Variants in SLIT1 observed in about 807,000 individuals in gnomAD.
The protein encoded by SLIT1 is slit guidance ligand 1.
In SLIT1, 66 loss-of-function variants were observed where a neutral mutation model predicts 186.1. The ratio of observed to expected loss-of-function variants is 0.35; its 90% CI spans 0.29 to 0.44. The LOEUF (loss-of-function observed/expected upper bound fraction) is 0.44. SLIT1 is among the 20% of genes least tolerant of loss of function. The probability of loss-of-function intolerance (pLI) is 1.00; values close to 1 mark genes in which losing one functional copy is unlikely to be tolerated. For missense variants in SLIT1, 1,638 were observed against 2,037.4 expected, an observed-to-expected ratio of 0.80 and a Z score of 3.77; for synonymous variants, 761 against 833.8, an observed-to-expected ratio of 0.91 and a Z score of 1.50.
In SLIT1 at chr10:97,022,977, C is replaced by T. The variant is rs545722283; in HGVS notation, c.2583-1564G>A. 6.6e-6 allele frequency among the ~76,000 whole-genome samples: 1 copy of T among 152,308 alleles called. No individual in the cohort carries two copies. The highest frequency in any genetic ancestry group is 2.4e-5 in the African/African-American group (1 of 41,570). On this transcript the variant is annotated intron_variant, in intron 25 of 36. Transcript: ENST00000266058. This position sits in a 1 kb window ranked among gnomAD's most constrained non-coding sequence, Gnocchi z 4.2. The stretch of plus-strand genomic sequence containing the variant: ...TCCGCAATATCCCAGAGTGGATATC[C>T]CATGGCACAGTGGACAGCGTCCCTG...
intron 1 of SLIT1, among the ~76,000 whole-genome samples, chr10:97,170,591 G>T (rs2636803): frequency 0.47 from 70,838 of 151,950 alleles, 17,644 homozygotes; most frequent in East Asian, 0.58. Flanking sequence ...CGCCCTAAGC[G>T]CGTTCTCCCT....
Position 97,002,782 on chromosome 10 carries a change from C to T in SLIT1, c.4076G>A (p.Gly1359Glu). ...HGICQPNATP[G>E]PMCHCEAGWV... is the part of the protein sequence containing the mutation. Reference sequence around the variant, plus strand: ...GCCAGCCTCGCAGTGGCACATGGGCCCTGGGGTGGCATTGGGCTGGCAGAT... The same window carrying T: ...GCCAGCCTCGCAGTGGCACATGGGCTCTGGGGTGGCATTGGGCTGGCAGAT... The change falls in exon 35 of 37, where the codon GGG becomes GAG. Residue 1359 changes from glycine to glutamate, a missense_variant. Transcript: ENST00000266058. 6.2e-7 allele frequency: 1 copy of T among 1,613,858 alleles called. No homozygotes were observed. The highest frequency in any genetic ancestry group is 8.5e-7 in the Non-Finnish European group (1 of 1,179,932).
intron 20 of SLIT1, among the ~76,000 whole-genome samples, chr10:97,041,556 C>A (rs1848690866): frequency 6.6e-6 from 1 of 151,736 alleles, no homozygotes; most frequent in Admixed American, 6.6e-5. Flanking sequence ...ACTGCAACCT[C>A]CACCTCCCAA....
At chr10:97,081,722 C>T (rs760989585) in intron 4 of SLIT1, among the ~76,000 whole-genome samples, 2 of 152,222 alleles carry the variant, frequency 1.3e-5, no homozygotes, top group Non-Finnish European at 2.9e-5. Flanking sequence ...TGACTGTTAA[C>T]AGGAGCAAGG....
chr10:97,136,911 A>G (rs568703591), intron 4 of SLIT1, among the ~76,000 whole-genome samples: 1 of 152,324 alleles, frequency 6.6e-6, no homozygotes, highest in Admixed American at 6.5e-5. Context: ...GAACAGGGAC[A>G]AGTCCTCCCT....
Position 97,047,602 on chromosome 10 carries a change from G to C in SLIT1, c.1634+88C>G. On this transcript the variant is annotated intron_variant, in intron 16 of 36. Transcript: ENST00000266058. The stretch of plus-strand genomic sequence containing the variant: ...GCTCCAGTGGTTCAGCCCCAGACAG[G>C]GCTGGACCAAGAAAATCCTGGAGTA... 5.1e-6 allele frequency: 7 copies of C among 1,376,882 alleles called. No homozygotes were observed. The South Asian group carries it at 8.6e-5, about 17-fold the overall frequency. 85.3% of individuals were successfully genotyped at this position (1,376,882 alleles called of 1,614,324 possible).
chr10:97,060,818 T>C (rs1483152809), intron 8 of SLIT1, 31 bp from the exon 9 acceptor site: 2 of 1,548,952 alleles, frequency 1.3e-6, no homozygotes, highest in South Asian at 1.2e-5. Flanking sequence ...GGCCTCAGGC[T>C]GTCATGCATC....
At chr10:97,177,510 T>C (rs766534860) in intron 1 of SLIT1, among the ~76,000 whole-genome samples, 1 of 152,182 alleles carries the variant, frequency 6.6e-6, no homozygotes, top group Non-Finnish European at 1.5e-5. Flanking sequence ...CAAATTACCA[T>C]ATGCTAGTGG....
chr10:97,012,075 TACACACACACACACACAC>T (rs35171328), intron 30 of SLIT1, among the ~76,000 whole-genome samples: 60 of 130,918 alleles, frequency 4.6e-4, no homozygotes, highest in East Asian at 1.1e-3. Flanking sequence ...TCAAGCCCAG[TACACACACACACACACAC>T]ACACACACAC....
intron 4 of SLIT1, among the ~76,000 whole-genome samples, chr10:97,128,892 G>C (rs2484879): frequency 0.49 from 74,578 of 151,932 alleles, 21,048 homozygotes; most frequent in Non-Finnish European, 0.63. Flanking sequence ...CATTCCTTCC[G>C]TGTTCCTTAA....
At chr10:97,100,397 G>A (rs923492464) in intron 4 of SLIT1, among the ~76,000 whole-genome samples, 2 of 152,170 alleles carry the variant, frequency 1.3e-5, no homozygotes, top group African/African-American at 2.4e-5. Flanking sequence ...GCCAAGGCAG[G>A]AGGATCACTT....
chr10:97,065,363 T>C (rs1185668480), intron 5 of SLIT1: 1 of 153,850 alleles, frequency 6.5e-6, no homozygotes, highest in Non-Finnish European at 1.4e-5. Context: ...GGTGACTGAT[T>C]ATCAATGTGT....
intron 4 of SLIT1, among the ~76,000 whole-genome samples, chr10:97,107,755 C>T (rs1265035510): frequency 6.6e-6 from 1 of 152,078 alleles, no homozygotes; most frequent in African/African-American, 2.4e-5. Flanking sequence ...GCCCTTTGAG[C>T]TGTGAGTAGG....
At chr10:97,146,816 T>C (rs1277868865) in intron 4 of SLIT1, among the ~76,000 whole-genome samples, 1 of 152,076 alleles carries the variant, frequency 6.6e-6, no homozygotes, top group East Asian at 1.9e-4. Context: ...GGACAGTGTC[T>C]GCCACCAGAA....
At chr10:97,013,168 AC>A (rs1414239410) in intron 30 of SLIT1, among the ~76,000 whole-genome samples, 1 of 152,216 alleles carries the variant, frequency 6.6e-6, no homozygotes, top group Non-Finnish European at 1.5e-5. Context: ...CCGTAATCAG[AC>A]TTATTCACAT....
chr10:97,047,985 ACT>A lies in SLIT1; in HGVS notation c.1475_1476del (p.Gln492LeufsTer28). 1 of 1,614,124 alleles carries A rather than the reference ACT, an allele frequency of 6.2e-7. No homozygotes were observed. Among genetic ancestry groups the A allele is most frequent in the South Asian group, 1.1e-5 (1 of 91,076 alleles). The part of the protein sequence containing the change: ...SKKFRCSAKE[Q>X]YFIPGTEDYQ... ...CCCACTCTCCTACCTGGAATGAAGT[ACT>A]GCTCTTTGGCTGGGAAGAGAAGCAG... On this transcript the variant is annotated frameshift_variant, in exon 15 of 37. Coordinates refer to ENST00000266058, the MANE Select transcript of SLIT1 (RefSeq NM_003061.3). LOFTEE classifies it high-confidence loss of function.
At position 97,006,864 on chromosome 10, in the gene SLIT1, A is replaced by G. The variant is rs768245643; in HGVS notation, c.3342-144T>C. ...AAGATGCTCCTAATAAACACTTTTC[A>G]TGAGAGAGCTGAGAGCCAGAAGGAT... On this transcript the variant is annotated intron_variant, in intron 31 of 36. Transcript: ENST00000266058. The surrounding 1 kb of genome is among the most constrained non-coding windows in gnomAD (Gnocchi z 4.0). The G allele has an allele frequency of 7.0e-4, 449 of 642,486 alleles. No individual in the cohort carries two copies. Among genetic ancestry groups the G allele is most frequent in the Non-Finnish European group, 1.1e-3 (398 of 359,994 alleles). The allele number at this position is 642,486 out of a possible 1,614,324, so 39.8% of individuals were successfully genotyped here.
At chr10:97,158,323 A>C (rs1013326447) in intron 3 of SLIT1, among the ~76,000 whole-genome samples, 3 of 149,380 alleles carry the variant, frequency 2.0e-5, no homozygotes, top group Non-Finnish European at 3.0e-5. Context: ...GGCTCAACAG[A>C]GGTTTCACTT....
chr10:97,013,854 G>C lies in SLIT1; in HGVS notation c.3110-20C>G. On this transcript the variant is annotated intron_variant, in intron 29 of 36. Coordinates refer to ENST00000266058, the MANE Select transcript of SLIT1 (RefSeq NM_003061.3). Reference sequence around the variant, plus strand: ...CCTTTCCTGGGGAAAGAACGAGCAAGGGGCAGGAGAGAAGCTGCTCTCCTG... The same window carrying C: ...CCTTTCCTGGGGAAAGAACGAGCAACGGGCAGGAGAGAAGCTGCTCTCCTG... The C allele has an allele frequency of 1.9e-6, 3 of 1,549,486 alleles. No homozygotes were observed. Among genetic ancestry groups the C allele is most frequent in the Non-Finnish European group, 2.6e-6 (3 of 1,145,292 alleles).
Sources: gnomAD v4.1 joint callset for allele counts (sites outside exome capture counted in the v4.1 genomes callset) on GRCh38, gnomAD v4.1.1 for gene constraint, Gnocchi (gnomAD v3.1) non-coding constraint, MANE v1.5 for transcripts, NCBI Gene and HGNC (gene_info 2026-07-23, HGNC 2026-07-21) for gene names.